The following MECOM variants were observed in gnomAD, a reference collection of about 807,000 sequenced individuals.
MECOM encodes the protein MDS1 and EVI1 complex locus, also known as histone-lysine N-methyltransferase MECOM.
MECOM carries 13 observed loss-of-function variants against 116.3 expected under a neutral mutation model. The ratio of observed to expected loss-of-function variants is 0.11; its 90% CI spans 0.07 to 0.18. The LOEUF is 0.18. Among genes scored for constraint, MECOM ranks in the 10% least tolerant of loss-of-function variants. The pLI is 1.00. For synonymous variants in MECOM, 528 were observed against 535.2 expected (o/e 0.99, Z 0.19); for missense variants, 1,299 against 1,509.0 (o/e 0.86, Z 2.31).
intron 2 of MECOM, among the ~76,000 whole-genome samples, chr3:169,233,989 G>A (rs1753722069): frequency 6.6e-6 from 1 of 152,072 alleles, no homozygotes; most frequent in Admixed American, 6.6e-5. Context: ...CTATAACATA[G>A]TAGATACGGT....
chr3:169,182,834 A>C (rs73031250), intron 2 of MECOM, among the ~76,000 whole-genome samples: 66 of 152,312 alleles, frequency 4.3e-4, no homozygotes, highest in African/African-American at 1.6e-3. Flanking sequence ...GATTTGCATT[A>C]ATAAATGAGA....
chr3:169,243,903 C>G (rs1204052789), intron 2 of MECOM, among the ~76,000 whole-genome samples: 1 of 152,230 alleles, frequency 6.6e-6, no homozygotes, highest in Non-Finnish European at 1.5e-5. Context: ...ACTCGCCTGA[C>G]AGGCCTAACC....
chr3:169,216,691 G>GA (rs1329160492), intron 2 of MECOM, among the ~76,000 whole-genome samples: 1 of 151,794 alleles, frequency 6.6e-6, no homozygotes, highest in African/African-American at 2.4e-5. Context: ...CAATATTGGG[G>GA]GAAAGCCTTG....
chr3:169,120,115 C>A (rs1301110261), intron 7 of MECOM, among the ~76,000 whole-genome samples: 1 of 152,138 alleles, frequency 6.6e-6, no homozygotes, highest in Non-Finnish European at 1.5e-5. Context: ...ATGCTTCAAC[C>A]AATTCTATGT....
chr3:169,345,540 C>T (rs78537085), intron 2 of MECOM, among the ~76,000 whole-genome samples: 1,616 of 152,218 alleles, frequency 0.011, 11 homozygotes, highest in East Asian at 0.044. Context: ...CTCCTCAGCA[C>T]AACAGGAGAC....
intron 2 of MECOM, among the ~76,000 whole-genome samples, chr3:169,324,220 C>A (rs1357779552): frequency 6.6e-6 from 1 of 152,178 alleles, no homozygotes; most frequent in African/African-American, 2.4e-5. Flanking sequence ...CTCACGATAA[C>A]CCTGGGAGGT....
chr3:169,587,368 A>G (rs1765886945), intron 1 of MECOM, among the ~76,000 whole-genome samples: 1 of 151,950 alleles, frequency 6.6e-6, no homozygotes, highest in Admixed American at 6.6e-5. Flanking sequence ...ATTGGCACAT[A>G]TGGCATGGTT....
At chr3:169,175,730 A>G (rs529148557) in intron 2 of MECOM, among the ~76,000 whole-genome samples, 7 of 152,314 alleles carry the variant, frequency 4.6e-5, no homozygotes, top group African/African-American at 1.7e-4. Context: ...CAATGTTTGT[A>G]TAAAGACTAA....
At chr3:169,633,017 A>G (rs1207697090) in intron 1 of MECOM, among the ~76,000 whole-genome samples, 2 of 152,230 alleles carry the variant, frequency 1.3e-5, no homozygotes, top group African/African-American at 4.8e-5. Context: ...TTTCTATCCC[A>G]TGTAACTTCC....
chr3:169,646,369 G>C (rs981670003), intron 1 of MECOM, among the ~76,000 whole-genome samples: 1 of 151,126 alleles, frequency 6.6e-6, no homozygotes, highest in African/African-American at 2.4e-5. Flanking sequence ...TGTAAATGAC[G>C]AGTTAAAGGG....
At chr3:169,368,586 C>T (rs940857594) in intron 2 of MECOM, among the ~76,000 whole-genome samples, 3 of 152,046 alleles carry the variant, frequency 2.0e-5, no homozygotes, top group Non-Finnish European at 4.4e-5. Flanking sequence ...GAACCAACTC[C>T]TATCCTTCTA....
intron 2 of MECOM, among the ~76,000 whole-genome samples, chr3:169,358,085 G>A (rs1727576649): frequency 6.6e-6 from 1 of 151,680 alleles, no homozygotes; most frequent in Admixed American, 6.6e-5. Flanking sequence ...TTATAAGCAT[G>A]GGTAAATGCA....
chr3:169,604,105 A>G (rs984981999), intron 1 of MECOM, among the ~76,000 whole-genome samples: 1 of 152,142 alleles, frequency 6.6e-6, no homozygotes, highest in African/African-American at 2.4e-5. Flanking sequence ...AGTGGAGGGG[A>G]GCAGCTAGAA....
intron 2 of MECOM, among the ~76,000 whole-genome samples, chr3:169,285,750 C>T (rs1289879713): frequency 2.6e-5 from 4 of 152,102 alleles, no homozygotes; most frequent in Non-Finnish European, 5.9e-5. Context: ...CTTAGCTGAG[C>T]GTTTTGGAGC....
At chr3:169,290,144 A>G (rs566438976) in intron 2 of MECOM, among the ~76,000 whole-genome samples, 2 of 152,300 alleles carry the variant, frequency 1.3e-5, no homozygotes, top group East Asian at 3.9e-4. Context: ...CAAATAAAAC[A>G]AATCATTTCC....
rs1560340564 is a variant in MECOM, at chr3:169,485,956, C to CAT, written c.38-104434_38-104433dup. On this transcript the variant is annotated intron_variant, in intron 1 of 16. Transcript: ENST00000651503. ...TAGTATATATGTATGTATATATGTA[C>CAT]ATATATACTATATATACATATATAT... 3.4e-3 allele frequency among the ~76,000 whole-genome samples: 116 copies of CAT among 33,890 alleles called. 1 individual carries two copies. Among genetic ancestry groups the CAT allele is most frequent in the African/African-American group, 0.01 (80 of 7,906 alleles). 22.2% of individuals were successfully genotyped at this position (33,890 alleles called of 152,430 possible).
intron 1 of MECOM, among the ~76,000 whole-genome samples, chr3:169,458,681 A>G (rs542101764): frequency 2.1e-4 from 32 of 152,318 alleles, no homozygotes; most frequent in African/African-American, 7.0e-4. Flanking sequence ...ACCAGCGAGG[A>G]CTGGTGACAC....
At chr3:169,132,824 C>T (rs886189000) in intron 3 of MECOM, among the ~76,000 whole-genome samples, 3 of 150,786 alleles carry the variant, frequency 2.0e-5, no homozygotes, top group African/African-American at 7.3e-5. Context: ...ATGATCACAG[C>T]TCACAGCAGC....
At chr3:169,451,126 G>C (rs1745504004) in intron 1 of MECOM, among the ~76,000 whole-genome samples, 1 of 152,018 alleles carries the variant, frequency 6.6e-6, no homozygotes, top group Admixed American at 6.6e-5. Flanking sequence ...CCCTTCAACA[G>C]GGATAAAACA....
Sources: gnomAD v4.1 joint callset for allele counts (sites outside exome capture counted in the v4.1 genomes callset) on GRCh38, gnomAD v4.1.1 for gene constraint, MANE v1.5 for transcripts, NCBI Gene and HGNC (gene_info 2026-07-23, HGNC 2026-07-21) for gene names.